LHX9: variants seen among roughly 807,000 people sequenced by gnomAD.
LHX9 encodes LIM homeobox 9.
LHX9 carries 9 observed loss-of-function variants against 36.5 expected under a neutral mutation model. That is an observed-to-expected ratio of 0.25 (90% CI 0.15 to 0.43). The LOEUF (loss-of-function observed/expected upper bound fraction) is 0.43. LHX9 is among the 20% of genes least tolerant of loss of function. The probability of loss-of-function intolerance (pLI) is 1.00; values close to 1 mark genes in which losing one functional copy is unlikely to be tolerated. For synonymous variants in LHX9, 211 were observed against 212.1 expected, an observed-to-expected ratio of 0.99 and a Z score of 0.04; for missense variants, 464 against 526.4, an observed-to-expected ratio of 0.88 and a Z score of 1.16.
chr1:197,912,697 C>A, upstream of LHX9: 2 of 924,030 alleles, frequency 2.2e-6, no homozygotes, highest in Admixed American at 1.8e-5. Flanking sequence ...AAAATTAAAC[C>A]GCGCTTCGTA....
Position 197,934,963 on chromosome 1 carries a change from C to T in LHX9, c.*5704C>T, listed in dbSNP as rs114345130. On this transcript the variant is annotated 3_prime_UTR_variant, in exon 5 of 5. Transcript: ENST00000367387. ...GATTTCCGTTTTATTTTATGAGGTT[C>T]CCTGGCAGTTGGGGGGGTGGTGAGG... 1 of 151,642 alleles carries T rather than the reference C, an allele frequency of 6.6e-6. No homozygotes were observed. The highest frequency in any genetic ancestry group is 1.5e-5 in the Non-Finnish European group (1 of 67,920). The allele number at this position is 151,642 out of a possible 1,614,324, so 9.4% of individuals were successfully genotyped here. A position where few individuals can be genotyped will look rare whatever the true frequency, so the allele number is the denominator to read the frequency against.
At chr1:197,916,484 C>T (rs1221143263), upstream of LHX9, 1 of 584,702 alleles carries the variant, frequency 1.7e-6, no homozygotes, top group Non-Finnish European at 3.0e-6. Flanking sequence ...GTCCGCAAGT[C>T]GCTTCCTATA....
rs374676871 is a variant in LHX9 at position 197,918,988 on chromosome 1, A to G, written c.175-984A>G. Among the ~76,000 whole-genome samples the G allele has an allele frequency of 1.5e-3, 235 of 152,278 alleles. 1 individual carries two copies. Among genetic ancestry groups the G allele is most frequent in the African/African-American group, 5.5e-3 (227 of 41,550 alleles). The stretch of plus-strand genomic sequence containing the variant: ...GTGTCTATATTTGTAACACTCATTC[A>G]GTGCCGGGGCCCCTGGTCGGAGTAA... On this transcript the variant is annotated intron_variant, in intron 1 of 4. Transcript: ENST00000367387.
rs1660322663 is a variant in LHX9 at position 197,931,417 on chromosome 1, C to A, written c.*2158C>A. ...ACTATTTCCCCTAAATATTTATGGA[C>A]CAAACAATTGTGATATATCCTATTA... On this transcript the variant is annotated 3_prime_UTR_variant, in exon 5 of 5. Coordinates refer to ENST00000367387, the MANE Select transcript of LHX9 (RefSeq NM_020204.3). 6.6e-6 allele frequency: 1 copy of A among 152,070 alleles called. No individual in the cohort carries two copies. The highest frequency in any genetic ancestry group is 2.1e-4 in the South Asian group (1 of 4,826). 9.4% of individuals were successfully genotyped at this position (152,070 alleles called of 1,614,324 possible).
intron 3 of LHX9, among the ~76,000 whole-genome samples, chr1:197,925,760 G>C (rs1300580376): frequency 6.6e-6 from 1 of 152,210 alleles, no homozygotes; most frequent in African/African-American, 2.4e-5. Flanking sequence ...TTCTGGTGGA[G>C]TTTAGGAAGC....
chr1:197,920,223 C>A, intron 2 of LHX9, 49 bp downstream of exon 2: 1 of 1,566,394 alleles, frequency 6.4e-7, no homozygotes, highest in South Asian at 1.1e-5. Flanking sequence ...CCTGGAGGGG[C>A]CATCTGCCTG....
At position 197,927,733 on chromosome 1, in the gene LHX9, G is replaced by A. The variant is rs200789883; in HGVS notation, c.876G>A (p.Pro292=). The stretch of plus-strand genomic sequence containing the variant: ...CCTACTTTGCCATCAACCACAACCC[G>A]GATGCCAAGGACCTCAAGCAGCTTG... The part of the protein sequence containing the change: ...MKSYFAINHN[P]DAKDLKQLAQ... The change falls in exon 4 of 5, where the codon CCG becomes CCA. Residue 292 remains proline (P), a synonymous_variant. Transcript: ENST00000367387. 4 of 1,614,158 alleles carry A rather than the reference G, an allele frequency of 2.5e-6. No individual in the cohort carries two copies. The highest frequency in any genetic ancestry group is 2.7e-5 in the African/African-American group (2 of 75,036).
rs752469419 is a variant in LHX9, at chr1:197,921,371, G to C, written c.445G>C (p.Ala149Pro). 6.6e-5 allele frequency: 107 copies of C among 1,614,010 alleles called. No homozygotes were observed. Among genetic ancestry groups the C allele is most frequent in the Non-Finnish European group, 9.0e-5 (106 of 1,180,038 alleles). The change falls in exon 3 of 5, where the codon GCC becomes CCC. Residue 149 changes from alanine to proline, a missense_variant. Physicochemically the swap from Ala to Pro is conservative, Grantham distance 27. This residue lies in a region of LHX9 where 93 missense variants were observed against 150.3 expected (regional missense o/e 0.62). Transcript: ENST00000367387. The surrounding 1 kb of genome is among the most constrained non-coding windows in gnomAD (Gnocchi z 4.6). ...TTCCGCCTCGGAGATGGTCATGCGCGCCCGAGACTCTGTCTACCACCTGAG... is the reference window on the plus strand; with the variant it reads ...TTCCGCCTCGGAGATGGTCATGCGCCCCCGAGACTCTGTCTACCACCTGAG... ...GISASEMVMRARDSVYHLSCF... is the reference protein window; with the variant it reads ...GISASEMVMRPRDSVYHLSCF...
At position 197,935,169 on chromosome 1, in the gene LHX9, C is replaced by G. The variant is rs1225951521; in HGVS notation, c.*5910C>G. ...CCTCTGTGAATATTAATATAGTTAA[C>G]CCTCCCTTATTATGTATCATATCAA... On this transcript the variant is annotated 3_prime_UTR_variant, in exon 5 of 5. Coordinates refer to ENST00000367387, the MANE Select transcript of LHX9 (RefSeq NM_020204.3). 1.3e-5 allele frequency: 2 copies of G among 152,112 alleles called. No homozygotes were observed. The highest frequency in any genetic ancestry group is 4.8e-5 in the African/African-American group (2 of 41,432). 9.4% of individuals were successfully genotyped at this position (152,112 alleles called of 1,614,324 possible).
In LHX9 at chr1:197,917,507, A is replaced by C; in HGVS notation, c.-317A>C. On this transcript the variant is annotated 5_prime_UTR_variant, in exon 1 of 5. Coordinates refer to ENST00000367387, the MANE Select transcript of LHX9 (RefSeq NM_020204.3). ...GATTTTGTTTTCCTCCCCCCGCTGC[A>C]GTTGTTTCCCATTAGTAACTCGATC... 7.1e-7 allele frequency: 1 copy of C among 1,400,618 alleles called. No individual in the cohort carries two copies. The highest frequency in any genetic ancestry group is 9.5e-7 in the Non-Finnish European group (1 of 1,051,456). 86.8% of individuals were successfully genotyped at this position (1,400,618 alleles called of 1,614,324 possible).
At position 197,931,492 on chromosome 1, in the gene LHX9, A is replaced by G. The variant is rs1288377211; in HGVS notation, c.*2233A>G. The stretch of plus-strand genomic sequence containing the variant: ...AATCTAAGGAGTTTTCTTTCCCATC[A>G]GTTTTATTTAAGTTTTAACCGTACT... On this transcript the variant is annotated 3_prime_UTR_variant, in exon 5 of 5. Transcript: ENST00000367387. The G allele has an allele frequency of 1.3e-5, 2 of 153,610 alleles. No individual in the cohort carries two copies. Among genetic ancestry groups the G allele is most frequent in the African/African-American group, 4.8e-5 (2 of 41,520 alleles). The allele number at this position is 153,610 out of a possible 1,614,324, so 9.5% of individuals were successfully genotyped here.
Position 197,927,639 on chromosome 1 carries a change from A to G in LHX9, c.782A>G (p.Tyr261Cys), listed in dbSNP as rs1660184703. 6.2e-7 allele frequency: 1 copy of G among 1,614,220 alleles called. No homozygotes were observed. Among genetic ancestry groups the G allele is most frequent in the African/African-American group, 1.3e-5 (1 of 75,052 alleles). Residue 261 changes from tyrosine to cysteine, a missense_variant, in exon 4 of 5, where the codon TAT becomes TGT. By Grantham distance (194) the Tyr-to-Cys change is radical. This residue lies in a region of LHX9 where 130 missense variants were observed against 109.6 expected (regional missense o/e 1.19). Coordinates refer to ENST00000367387, the MANE Select transcript of LHX9 (RefSeq NM_020204.3). ...CACTTGGACCGGGACCAGCAGCCTT[A>G]TCCACCCTCGCAGAAGACCAAGCGC... ...ADHLDRDQQPYPPSQKTKRMR... is the reference protein window; with the variant it reads ...ADHLDRDQQPCPPSQKTKRMR...
In LHX9 at chr1:197,927,647, T is replaced by A; in HGVS notation, c.790T>A (p.Ser264Thr). Residue 264 changes from serine (S) to threonine (T), a missense_variant, in exon 4 of 5, where the codon TCG (serine) becomes ACG (threonine). Physicochemically the swap from Ser to Thr is moderately conservative, Grantham distance 58 (BLOSUM62 1). Coordinates refer to ENST00000367387, the MANE Select transcript of LHX9 (RefSeq NM_020204.3). Reference protein sequence around the residue: ...LDRDQQPYPPSQKTKRMRTSF... With the variant: ...LDRDQQPYPPTQKTKRMRTSF... ...CCGGGACCAGCAGCCTTATCCACCCTCGCAGAAGACCAAGCGCATGCGAAC... is the reference window on the plus strand; with the variant it reads ...CCGGGACCAGCAGCCTTATCCACCCACGCAGAAGACCAAGCGCATGCGAAC... The A allele has an allele frequency of 6.2e-7, 1 of 1,614,144 alleles. No homozygotes were observed. The highest frequency in any genetic ancestry group is 8.5e-7 in the Non-Finnish European group (1 of 1,180,030).
intron 1 of LHX9, among the ~76,000 whole-genome samples, chr1:197,919,097 G>C (rs989945737): frequency 9.2e-5 from 14 of 152,222 alleles, no homozygotes; most frequent in African/African-American, 3.1e-4. Flanking sequence ...GGAAATGTCC[G>C]GAGGTTAACT....
In LHX9 at chr1:197,932,963, A is replaced by T. The variant is rs1043138166; in HGVS notation, c.*3704A>T. 7 of 152,068 alleles carry T rather than the reference A, an allele frequency of 4.6e-5. No individual in the cohort carries two copies. The highest frequency in any genetic ancestry group is 1.0e-4 in the Non-Finnish European group (7 of 67,928). 9.4% of individuals were successfully genotyped at this position (152,068 alleles called of 1,614,324 possible). ...ATGAACAAATTTATTGATGTATACA[A>T]ATATATTCTGAACTATAAAAAGATC... On this transcript the variant is annotated 3_prime_UTR_variant, in exon 5 of 5. Transcript: ENST00000367387.
At chr1:197,914,401 A>AT (rs11390778), upstream of LHX9, among the ~76,000 whole-genome samples, 135,568 of 148,694 alleles carry the variant, frequency 0.91, 62,676 homozygotes, top group Non-Finnish European at 0.99. Flanking sequence ...AAGGGGGAAC[A>AT]TTTTTTTTTT....
chr1:197,917,606 CT>C lies in LHX9; in HGVS notation c.-216del. 1 of 1,508,898 alleles carries C rather than the reference CT, an allele frequency of 6.6e-7. No homozygotes were observed. Among genetic ancestry groups the C allele is most frequent in the Non-Finnish European group, 8.9e-7 (1 of 1,127,866 alleles). The allele number at this position is 1,508,898 out of a possible 1,614,324, so 93.5% of individuals were successfully genotyped here. ...GAATTGTTTGTTTTCTGCACATCTCCTTCAGGGAGCCGCTGAGGCTTCCCCC... is the reference window on the plus strand; with the variant it reads ...GAATTGTTTGTTTTCTGCACATCTCCTCAGGGAGCCGCTGAGGCTTCCCCC... On this transcript the variant is annotated 5_prime_UTR_variant, in exon 1 of 5. Transcript: ENST00000367387.
chr1:197,915,881 T>A (rs945225156), upstream of LHX9: 4 of 152,160 alleles, frequency 2.6e-5, no homozygotes, highest in Non-Finnish European at 4.4e-5. Context: ...CCTCTCTCCC[T>A]CTCTCCCTGG....
Position 197,927,660 on chromosome 1 carries a change from A to G in LHX9, c.803A>G (p.Lys268Arg). Residue 268 changes from lysine (K) to arginine (R), a missense_variant, in exon 4 of 5, where the codon AAG becomes AGG. Physicochemically the swap from Lys to Arg is conservative, Grantham distance 26. Transcript: ENST00000367387. Reference protein sequence around the residue: ...QQPYPPSQKTKRMRTSFKHHQ... With the variant: ...QQPYPPSQKTRRMRTSFKHHQ... The stretch of plus-strand genomic sequence containing the variant: ...CCTTATCCACCCTCGCAGAAGACCA[A>G]GCGCATGCGAACCTCTTTCAAGCAT... 6.2e-7 allele frequency: 1 copy of G among 1,614,156 alleles called. No homozygotes were observed. Among genetic ancestry groups the G allele is most frequent in the Non-Finnish European group, 8.5e-7 (1 of 1,180,022 alleles).
Sources: gnomAD v4.1 joint callset for allele counts (sites outside exome capture counted in the v4.1 genomes callset) on GRCh38, gnomAD v4.1.1 for gene constraint, gnomAD v4.1.1 regional missense constraint, Gnocchi (gnomAD v3.1) non-coding constraint, MANE v1.5 for transcripts, NCBI Gene and HGNC (gene_info 2026-07-23, HGNC 2026-07-21) for gene names.